Variants in CCNG2 observed in about 807,000 individuals in gnomAD.
The protein encoded by CCNG2 is cyclin G2.
Under a neutral mutation model 36.5 loss-of-function variants are expected in CCNG2, and 20 were observed. The observed-to-expected ratio is 0.55, with a 90% CI of 0.39 to 0.80. The LOEUF is 0.80. CCNG2 is among the 30% of genes least tolerant of loss of function. The pLI is 0.00. For synonymous variants in CCNG2, 155 were observed against 140.1 expected, an observed-to-expected ratio of 1.11 and a Z score of -0.75; for missense variants, 358 against 390.8, an observed-to-expected ratio of 0.92 and a Z score of 0.71.
At chr4:77,164,234 G>T in intron 6 of CCNG2, 40 bp from the exon 7 acceptor site, 1 of 1,474,488 alleles carries the variant, frequency 6.8e-7, no homozygotes, top group Non-Finnish European at 9.5e-7. Flanking sequence ...GCAAGATTTG[G>T]GAGACATTGC....
At position 77,160,081 on chromosome 4, in the gene CCNG2, C is replaced by T. The variant is rs115274966; in HGVS notation, c.276+577C>T. 4.5e-3 allele frequency among the ~76,000 whole-genome samples: 681 copies of T among 152,254 alleles called. 5 individuals carry two copies. The highest frequency in any genetic ancestry group is 0.016 in the African/African-American group (662 of 41,524). Reference sequence around the variant, plus strand: ...TGGCAGCTTTTACATATGTCCCACTCTGCACAACTCGTGATATTTCTCTTG... The same window carrying T: ...TGGCAGCTTTTACATATGTCCCACTTTGCACAACTCGTGATATTTCTCTTG... On this transcript the variant is annotated intron_variant, in intron 3 of 7. Coordinates refer to ENST00000316355, the MANE Select transcript of CCNG2 (RefSeq NM_004354.3).
At chr4:77,157,811 G>A (rs1219396183) in intron 1 of CCNG2, among the ~76,000 whole-genome samples, 1 of 152,236 alleles carries the variant, frequency 6.6e-6, no homozygotes, top group Middle Eastern at 3.4e-3. Flanking sequence ...TGACAGCCCC[G>A]GGGCTCTGCA....
Position 77,168,221 on chromosome 4 carries a change from T to G in CCNG2, c.*2297T>G, listed in dbSNP as rs1194848641. The G allele has an allele frequency of 6.6e-6, 1 of 152,250 alleles. No homozygotes were observed. The highest frequency in any genetic ancestry group is 1.5e-5 in the Non-Finnish European group (1 of 68,056). The allele number at this position is 152,250 out of a possible 1,614,324, so 9.4% of individuals were successfully genotyped here. ...GATATGCTCATCTCCTTTTGCCTGT[T>G]TATGGAGGTCACCAGCCTCTATCAT... On this transcript the variant is annotated 3_prime_UTR_variant, in exon 8 of 8. Transcript: ENST00000316355.
chr4:77,164,456 G>T lies in CCNG2; in HGVS notation c.888G>T (p.Gly296=). ...CTGAGCTGCCAACGATACCTGAGGG[G>T]GGTTGTTTTGATGAAAGTGAAAGGT... ...SVPELPTIPE[G]GCFDESESED... The change falls in exon 7 of 8, where the codon GGG becomes GGT. Residue 296 remains glycine (G), a synonymous_variant. Coordinates refer to ENST00000316355, the MANE Select transcript of CCNG2 (RefSeq NM_004354.3). 6.2e-7 allele frequency: 1 copy of T among 1,613,714 alleles called. No homozygotes were observed. The highest frequency in any genetic ancestry group is 2.2e-5 in the East Asian group (1 of 44,862).
At chr4:77,160,538 G>GGT (rs1731403159) in intron 3 of CCNG2, among the ~76,000 whole-genome samples, 183 bp from the exon 4 acceptor site, 1 of 149,438 alleles carries the variant, frequency 6.7e-6, no homozygotes. Flanking sequence ...TTTTGGGGGG[G>GGT]GGGGGAGGTC....
intron 1 of CCNG2, chr4:77,158,201 C>G: frequency 3.1e-6 from 1 of 323,048 alleles, no homozygotes; most frequent in Non-Finnish European, 5.8e-6. Flanking sequence ...GGCAGAAGGC[C>G]CTCCCTGGCG....
chr4:77,158,528 T>C lies in CCNG2; in HGVS notation c.1-5T>C. On this transcript the variant is annotated splice_polypyrimidine_tract_variant and splice_region_variant and intron_variant, in intron 1 of 7. Transcript: ENST00000316355. ...TACATTCTCTGTGTGGTGTCTTTAC[T>C]GCAGATGAAGGATTTGGGGGCAGAG... 1 of 1,614,158 alleles carries C rather than the reference T, an allele frequency of 6.2e-7. No homozygotes were observed. The highest frequency in any genetic ancestry group is 8.5e-7 in the Non-Finnish European group (1 of 1,180,004).
In CCNG2 at chr4:77,169,100, C is replaced by CA. The variant is rs1731703375; in HGVS notation, c.*3177dup. Reference sequence around the variant, plus strand: ...GTCACACTCAGGATTAATACATACTCAGGTTAACTGTAGAGAGGCATTGGC... The same window carrying CA: ...GTCACACTCAGGATTAATACATACTCAAGGTTAACTGTAGAGAGGCATTGGC... On this transcript the variant is annotated 3_prime_UTR_variant, in exon 8 of 8. Transcript: ENST00000316355. The CA allele has an allele frequency of 6.6e-6, 1 of 151,808 alleles. No homozygotes were observed. Among genetic ancestry groups the CA allele is most frequent in the African/African-American group, 2.4e-5 (1 of 41,076 alleles). 9.4% of individuals were successfully genotyped at this position (151,808 alleles called of 1,614,324 possible). A position where few individuals can be genotyped will look rare whatever the true frequency, so the allele number is the denominator to read the frequency against.
Position 77,159,500 on chromosome 4 carries a change from T to G in CCNG2, c.272T>G (p.Met91Arg). The stretch of plus-strand genomic sequence containing the variant: ...ATTTTGGACAGGTTCTTGGCTCTTA[T>G]GAAGGTATTTCATCATTTTTATAAA... ...VNILDRFLAL[M>R]KVKPKHLSCI... The change falls in exon 3 of 8, where the codon ATG becomes AGG. Residue 91 changes from methionine (M) to arginine (R), a missense_variant. Met to Arg is a moderately conservative substitution (Grantham distance 91). Coordinates refer to ENST00000316355, the MANE Select transcript of CCNG2 (RefSeq NM_004354.3). The G allele has an allele frequency of 6.2e-7, 1 of 1,611,514 alleles. No homozygotes were observed. The highest frequency in any genetic ancestry group is 8.5e-7 in the Non-Finnish European group (1 of 1,179,228).
intron 2 of CCNG2, among the ~76,000 whole-genome samples, chr4:77,159,049 C>T (rs1731352533): frequency 6.6e-6 from 1 of 152,176 alleles, no homozygotes; most frequent in Non-Finnish European, 1.5e-5. Flanking sequence ...AACAAAAGAA[C>T]CCTTTCTCTC....
rs761414649 is a variant in CCNG2, at chr4:77,160,956, G to A, written c.512G>A (p.Cys171Tyr). ...FLHLYHTIILCHTSERKEILS... is the reference protein window; with the variant it reads ...FLHLYHTIILYHTSERKEILS... ...CACTTATACCATACTATTATACTTT[G>A]TCATACTTCAGAAAGGTCAGTGGGA... The change falls in exon 4 of 8, where the codon TGT becomes TAT. Residue 171 changes from cysteine to tyrosine, a missense_variant. Physicochemically the swap from Cys to Tyr is radical, Grantham distance 194. Transcript: ENST00000316355. 49 of 1,601,948 alleles carry A rather than the reference G, an allele frequency of 3.1e-5. No homozygotes were observed. The highest frequency in any genetic ancestry group is 4.0e-5 in the Non-Finnish European group (47 of 1,177,574).
chr4:77,157,582 C>G (rs1370104157), intron 1 of CCNG2, 76 bp downstream of exon 1: 1 of 152,592 alleles, frequency 6.6e-6, no homozygotes, highest in Non-Finnish European at 1.5e-5. Context: ...GAGGTTGGTA[C>G]CATGCGAGTG....
rs1355672511 is a variant in CCNG2 at position 77,169,797 on chromosome 4, CTCAG to C, written c.*3876_*3879del. 6.6e-6 allele frequency: 1 copy of C among 152,194 alleles called. No homozygotes were observed. The allele number at this position is 152,194 out of a possible 1,614,324, so 9.4% of individuals were successfully genotyped here. A position where few individuals can be genotyped will look rare whatever the true frequency, so the allele number is the denominator to read the frequency against. ...TACACCACAGAAAACAGAGGAACTA[CTCAG>C]TCGATCCCAATCAACCCACAGACTC... On this transcript the variant is annotated 3_prime_UTR_variant, in exon 8 of 8. Transcript: ENST00000316355.
chr4:77,160,535 G>GGGA (rs1402799668), intron 3 of CCNG2, among the ~76,000 whole-genome samples, 186 bp from the exon 4 acceptor site: 1 of 148,860 alleles, frequency 6.7e-6, no homozygotes, highest in African/African-American at 2.5e-5. Context: ...TTTTTTTGGG[G>GGGA]GGGGGGGGAG....
chr4:77,164,645 A>ATT (rs763546293), intron 7 of CCNG2, 166 bp downstream of exon 7: 5 of 559,226 alleles, frequency 8.9e-6, no homozygotes, highest in African/African-American at 1.9e-5. Context: ...CAGAAGTAGT[A>ATT]TTTTAATATG....
chr4:77,159,531 C>T (rs1401079813), intron 3 of CCNG2, 27 bp downstream of exon 3: 6 of 1,604,826 alleles, frequency 3.7e-6, no homozygotes, highest in Non-Finnish European at 3.4e-6. Context: ...ATAAATATGT[C>T]TTCCTTTTTC....
Position 77,165,834 on chromosome 4 carries a change from G to C in CCNG2, c.945G>C (p.Glu315Asp). ...CTTGTGAAGATATGAGTTGTGGAGA[G>C]GAGAGTCTCAGCAGCTCTCCTCCCA... ...EDSCEDMSCG[E>D]ESLSSSPPSD... Residue 315 changes from glutamate to aspartate, a missense_variant, in exon 8 of 8, where the codon GAG (glutamate) becomes GAC (aspartate). Transcript: ENST00000316355. 6.2e-7 allele frequency: 1 copy of C among 1,609,262 alleles called. No individual in the cohort carries two copies. The highest frequency in any genetic ancestry group is 8.5e-7 in the Non-Finnish European group (1 of 1,178,408).
intron 7 of CCNG2, 56 bp from the exon 8 acceptor site, chr4:77,165,745 A>T: frequency 7.0e-7 from 1 of 1,424,636 alleles, no homozygotes; most frequent in Non-Finnish European, 9.3e-7. Context: ...GCTATAAAAC[A>T]TTTAAGTGTG....
Position 77,161,004 on chromosome 4 carries a change from G to C in CCNG2, c.527+33G>C, listed in dbSNP as rs115073339. On this transcript the variant is annotated intron_variant, in intron 4 of 7. Transcript: ENST00000316355. ...GGATTAAAGATACATTTTGTACTTT[G>C]AACATTGCTATAGCTAACAGTAAAT... 1,274 of 1,497,074 alleles carry C rather than the reference G, an allele frequency of 8.5e-4. 8 individuals are homozygous for C. In the African/African-American group the frequency reaches 0.016, roughly 19 times the overall value. 92.7% of individuals were successfully genotyped at this position (1,497,074 alleles called of 1,614,324 possible).
Sources: gnomAD v4.1 joint callset for allele counts (sites outside exome capture counted in the v4.1 genomes callset) on GRCh38, gnomAD v4.1.1 for gene constraint, MANE v1.5 for transcripts, NCBI Gene and HGNC (gene_info 2026-07-23, HGNC 2026-07-21) for gene names.